NEGR1: variants seen among roughly 807,000 people sequenced by gnomAD.
NEGR1 encodes the protein neuronal growth regulator 1.
Under a neutral mutation model 40.9 loss-of-function variants are expected in NEGR1, and 10 were observed. That is an observed-to-expected ratio of 0.24 (90% confidence interval 0.15 to 0.42). The LOEUF (loss-of-function observed/expected upper bound fraction) is 0.42. Ranked by LOEUF, NEGR1 falls within the 10% of genes least tolerant of loss-of-function variation. The probability of loss-of-function intolerance (pLI) is 1.00; values close to 1 mark genes in which losing one functional copy is unlikely to be tolerated. For missense variants in NEGR1, 352 were observed against 438.9 expected, an observed-to-expected ratio of 0.80 and a Z score of 1.77; for synonymous variants, 185 against 166.8, an observed-to-expected ratio of 1.11 and a Z score of -0.84.
rs538959404 is a variant in NEGR1 at position 71,474,212 on chromosome 1, G to A, written c.941-66642C>T. On this transcript the variant is annotated intron_variant, in intron 6 of 6. Coordinates refer to ENST00000357731, the MANE Select transcript of NEGR1 (RefSeq NM_173808.3). ...CCAGAGGGAAGGTGAAAGAAACAAT[G>A]GAGAACACAGAAAGTGGTTTATTTT... is the stretch of plus-strand genomic sequence containing the variant. Among the ~76,000 whole-genome samples, 12 of 151,290 alleles carry A rather than the reference G, an allele frequency of 7.9e-5. No individual in the cohort carries two copies. The East Asian group carries it at 2.3e-3, about 30-fold the overall frequency.
chr1:71,628,640 C>T (rs1049914813), intron 4 of NEGR1, among the ~76,000 whole-genome samples: 4 of 151,952 alleles, frequency 2.6e-5, no homozygotes, highest in African/African-American at 9.7e-5. Flanking sequence ...GTTCAACTCC[C>T]ACTTATGAGT....
intron 2 of NEGR1, among the ~76,000 whole-genome samples, chr1:71,841,838 C>T (rs1380321213): frequency 1.3e-5 from 2 of 152,086 alleles, no homozygotes; most frequent in East Asian, 1.9e-4. Context: ...TGGTTTAGTG[C>T]TTTTTATATT....
rs183666879 is a variant in NEGR1, at chr1:71,544,120, C to T, written c.940+48697G>A. 6.6e-5 allele frequency among the ~76,000 whole-genome samples: 10 copies of T among 151,746 alleles called. No homozygotes were observed. In the East Asian group the frequency reaches 1.6e-3, roughly 24 times the overall value. On this transcript the variant is annotated intron_variant, in intron 6 of 6. Coordinates refer to ENST00000357731, the MANE Select transcript of NEGR1 (RefSeq NM_173808.3). ...GATTTTCTCCAACCTGTAGGCTTTCCGTTCCTTCCAGCTCACTAAATATTT... is the reference window on the plus strand; with the variant it reads ...GATTTTCTCCAACCTGTAGGCTTTCTGTTCCTTCCAGCTCACTAAATATTT...
intron 1 of NEGR1, among the ~76,000 whole-genome samples, chr1:72,198,261 C>G (rs1190578487): frequency 6.6e-6 from 1 of 152,010 alleles, no homozygotes; most frequent in Non-Finnish European, 1.5e-5. Context: ...GACCGTTTGT[C>G]TGGCAAGCAT....
intron 1 of NEGR1, among the ~76,000 whole-genome samples, chr1:72,244,311 G>C (rs1225783495): frequency 2.0e-5 from 3 of 151,776 alleles, no homozygotes; most frequent in Admixed American, 1.3e-4. Flanking sequence ...AGAAATGTTA[G>C]ATCTGTTAGA....
chr1:71,474,055 A>G (rs962855390), intron 6 of NEGR1, among the ~76,000 whole-genome samples: 10 of 151,962 alleles, frequency 6.6e-5, no homozygotes, highest in African/African-American at 1.9e-4. Context: ...TGTTCAACCC[A>G]TTGGGTTAAC....
At chr1:71,676,879 C>G (rs1652659815) in intron 4 of NEGR1, among the ~76,000 whole-genome samples, 1 of 152,162 alleles carries the variant, frequency 6.6e-6, no homozygotes, top group Non-Finnish European at 1.5e-5. Flanking sequence ...TCATGACTGG[C>G]AATCACCCAG....
chr1:71,748,717 A>T (rs1484007002), intron 3 of NEGR1, among the ~76,000 whole-genome samples: 1 of 152,142 alleles, frequency 6.6e-6, no homozygotes, highest in Non-Finnish European at 1.5e-5. Flanking sequence ...CCTAAGGACT[A>T]TTCGGTGCTC....
At chr1:72,010,033 G>A (rs559346121) in intron 1 of NEGR1, among the ~76,000 whole-genome samples, 1 of 152,180 alleles carries the variant, frequency 6.6e-6, no homozygotes, top group East Asian at 1.9e-4. Context: ...GGAACCACTG[G>A]CAAAAAGGAG....
chr1:71,845,817 T>G (rs1270280244), intron 2 of NEGR1, among the ~76,000 whole-genome samples: 2 of 151,980 alleles, frequency 1.3e-5, no homozygotes, highest in Non-Finnish European at 2.9e-5. Flanking sequence ...TGAAGTGCAA[T>G]GGCACGATCA....
At chr1:71,894,922 A>T (rs372980791) in intron 2 of NEGR1, among the ~76,000 whole-genome samples, 800 of 147,536 alleles carry the variant, frequency 5.4e-3, no homozygotes, top group African/African-American at 0.018. Flanking sequence ...CCATCTCCAA[A>T]TTTTTTTTTT....
chr1:72,274,796 G>A, intron 1 of NEGR1: 37 of 1,448,780 alleles, frequency 2.6e-5, no homozygotes, highest in Non-Finnish European at 3.4e-5. Context: ...GTAAAAGATC[G>A]GGTAGAAAAA....
At chr1:72,096,226 A>C in intron 1 of NEGR1, among the ~76,000 whole-genome samples, 1 of 152,316 alleles carries the variant, frequency 6.6e-6, no homozygotes, top group Middle Eastern at 3.4e-3. Flanking sequence ...AATGTTTTTT[A>C]AAAGGAAAAT....
At chr1:71,720,971 C>T (rs1268971425) in intron 3 of NEGR1, among the ~76,000 whole-genome samples, 2 of 152,086 alleles carry the variant, frequency 1.3e-5, no homozygotes, top group Non-Finnish European at 1.5e-5. Flanking sequence ...ACTGCAATAT[C>T]CTTTCAAATA....
At chr1:72,266,823 GAA>G (rs2100552734) in intron 1 of NEGR1, among the ~76,000 whole-genome samples, 1 of 149,388 alleles carries the variant, frequency 6.7e-6, no homozygotes, top group East Asian at 2.0e-4. Flanking sequence ...AATAGAACTT[GAA>G]AATTATTAAA....
At chr1:71,752,433 C>A (rs973400611) in intron 3 of NEGR1, among the ~76,000 whole-genome samples, 1 of 151,928 alleles carries the variant, frequency 6.6e-6, no homozygotes, top group African/African-American at 2.4e-5. Flanking sequence ...AGAGGAAACA[C>A]ACAATTTTGG....
chr1:71,436,268 A>G (rs1303243241), intron 6 of NEGR1, among the ~76,000 whole-genome samples: 1 of 152,080 alleles, frequency 6.6e-6, no homozygotes. Context: ...GTTTCAATAC[A>G]AAGATCTTGG....
At chr1:72,025,878 G>A (rs931051729) in intron 1 of NEGR1, among the ~76,000 whole-genome samples, 57 of 151,958 alleles carry the variant, frequency 3.8e-4, no homozygotes, top group African/African-American at 1.3e-3. Flanking sequence ...TTGGGAGGCC[G>A]AGGCGGGCGG....
intron 6 of NEGR1, among the ~76,000 whole-genome samples, chr1:71,428,388 A>G (rs116550175): frequency 3.5e-4 from 53 of 152,296 alleles, no homozygotes; most frequent in African/African-American, 1.3e-3. Context: ...GTTTCACACA[A>G]ATAAAAACTC....
Sources: gnomAD v4.1 joint callset for allele counts (sites outside exome capture counted in the v4.1 genomes callset) on GRCh38, gnomAD v4.1.1 for gene constraint, MANE v1.5 for transcripts, NCBI Gene and HGNC (gene_info 2026-07-23, HGNC 2026-07-21) for gene names.